The following CLASP2 variants were observed in gnomAD, a reference collection of about 807,000 sequenced individuals.
CLASP2 encodes the protein cytoplasmic linker associated protein 2, also known as CLIP-associating protein 2.
In CLASP2, 47 loss-of-function variants were observed where a neutral mutation model predicts 194.4. The ratio of observed to expected loss-of-function variants is 0.24; its 90% CI spans 0.19 to 0.31. The LOEUF (loss-of-function observed/expected upper bound fraction) is 0.31, where lower values mean the gene tolerates loss of function less well. Among genes scored for constraint, CLASP2 ranks in the 10% least tolerant of loss-of-function variants. The pLI is 1.00. For missense variants in CLASP2, 1,445 were observed against 1,823.6 expected, an observed-to-expected ratio of 0.79 and a Z score of 3.78; for synonymous variants, 619 against 633.5, an observed-to-expected ratio of 0.98 and a Z score of 0.34.
intron 29 of CLASP2, 130 bp from the exon 30 acceptor site, chr3:33,551,525 G>T: frequency 1.1e-6 from 1 of 903,786 alleles, no homozygotes; most frequent in Non-Finnish European, 1.6e-6. Flanking sequence ...TACTATGTTG[G>T]CAAGGTTGGT....
intron 28 of CLASP2, among the ~76,000 whole-genome samples, chr3:33,560,491 C>T (rs1423729114): frequency 6.6e-6 from 1 of 152,120 alleles, no homozygotes; most frequent in Non-Finnish European, 1.5e-5. Context: ...GATCTGCCTG[C>T]CTCAGCCTCC....
At chr3:33,652,433 C>A (rs2083375517) in intron 7 of CLASP2, among the ~76,000 whole-genome samples, 1 of 152,162 alleles carries the variant, frequency 6.6e-6, no homozygotes, top group Admixed American at 6.5e-5. Flanking sequence ...TCTACACTTC[C>A]CACACTGTGC....
intron 32 of CLASP2, 111 bp downstream of exon 32, chr3:33,543,322 G>C (rs2058669817): frequency 1.4e-6 from 1 of 698,766 alleles, no homozygotes; most frequent in African/African-American, 1.8e-5. Context: ...GCAGTGAGTT[G>C]AGATCACACC....
chr3:33,662,677 T>G (rs2085482628), intron 7 of CLASP2, among the ~76,000 whole-genome samples: 1 of 152,194 alleles, frequency 6.6e-6, no homozygotes, highest in Non-Finnish European at 1.5e-5. Context: ...AAATTTTTAC[T>G]CCAACATCAT....
intron 6 of CLASP2, among the ~76,000 whole-genome samples, chr3:33,678,082 T>C (rs944990176): frequency 1.1e-4 from 17 of 151,168 alleles, no homozygotes; most frequent in Non-Finnish European, 2.4e-4. Context: ...AAAAAAGAGA[T>C]TGGAAAACAA....
intron 32 of CLASP2, among the ~76,000 whole-genome samples, chr3:33,539,722 T>A (rs75203728): frequency 0.072 from 10,890 of 152,190 alleles, 485 homozygotes; most frequent in Admixed American, 0.1. Flanking sequence ...TGATGGCTGT[T>A]TTCATACAAT....
intron 14 of CLASP2, 118 bp downstream of exon 14, chr3:33,608,449 A>T: frequency 1.3e-6 from 1 of 782,072 alleles, no homozygotes; most frequent in East Asian, 2.7e-5. Flanking sequence ...TTAAAGGAAA[A>T]CCAGTACAAA....
At chr3:33,527,386 C>T (rs572315129) in intron 34 of CLASP2, among the ~76,000 whole-genome samples, 72 of 152,244 alleles carry the variant, frequency 4.7e-4, no homozygotes, top group Non-Finnish European at 9.4e-4. Context: ...AATTCCTGGA[C>T]ACATACACCC....
intron 7 of CLASP2, among the ~76,000 whole-genome samples, chr3:33,646,881 A>C (rs2082363577): frequency 6.6e-6 from 1 of 152,198 alleles, no homozygotes; most frequent in Non-Finnish European, 1.5e-5. Context: ...ACCAAAGCTA[A>C]CTAGTCTCGA....
chr3:33,527,173 T>C (rs1250265531), intron 34 of CLASP2, among the ~76,000 whole-genome samples: 3 of 152,114 alleles, frequency 2.0e-5, no homozygotes, highest in Non-Finnish European at 4.4e-5. Flanking sequence ...AAAAGATCAA[T>C]GGATTCAGGA....
intron 26 of CLASP2, among the ~76,000 whole-genome samples, chr3:33,570,412 A>T (rs1408143646): frequency 6.6e-6 from 1 of 152,190 alleles, no homozygotes; most frequent in Non-Finnish European, 1.5e-5. Context: ...AAACCTTTTC[A>T]ACTTACCCCA....
rs547646258 is a variant in CLASP2 at position 33,532,584 on chromosome 3, G to GA, written c.3787+2648_3787+2649insT. 2.8e-3 allele frequency among the ~76,000 whole-genome samples: 431 copies of GA among 152,254 alleles called. 1 individual carries two copies. The highest frequency in any genetic ancestry group is 9.9e-3 in the African/African-American group (411 of 41,546). On this transcript the variant is annotated intron_variant, in intron 34 of 38. Transcript: ENST00000682230. ...AAAAAAGATATTATTGGGACAGCTG[G>GA]CAAAATTCTAATGGGGTTTTAAGGA... is the stretch of plus-strand genomic sequence containing the variant.
At chr3:33,505,227 A>AAAAAAC (rs2047814076) in intron 37 of CLASP2, 1 of 117,366 alleles carries the variant, frequency 8.5e-6, no homozygotes. Context: ...CCAGAGATAA[A>AAAAAAC]AACAACAACA....
At chr3:33,521,906 G>A (rs2053214184) in intron 34 of CLASP2, among the ~76,000 whole-genome samples, 1 of 152,108 alleles carries the variant, frequency 6.6e-6, no homozygotes, top group Non-Finnish European at 1.5e-5. Context: ...CCAGCCCCTT[G>A]ACAGGCAGCT....
chr3:33,518,726 T>C lies in CLASP2; in HGVS notation c.3788-1552A>G, dbSNP rs139239948. Reference sequence around the variant, plus strand: ...AAATGCTTTTCACGGTAGTCAGTTATCTTTTCCATGAAAGTAAGCTTTGTA... The same window carrying C: ...AAATGCTTTTCACGGTAGTCAGTTACCTTTTCCATGAAAGTAAGCTTTGTA... On this transcript the variant is annotated intron_variant, in intron 34 of 38. Transcript: ENST00000682230. 4.1e-4 allele frequency among the ~76,000 whole-genome samples: 62 copies of C among 152,378 alleles called. No individual in the cohort carries two copies. In the East Asian group the frequency reaches 0.011, roughly 28 times the overall value.
chr3:33,566,103 T>C (rs1028563238), intron 27 of CLASP2, among the ~76,000 whole-genome samples: 3 of 152,174 alleles, frequency 2.0e-5, no homozygotes, highest in African/African-American at 4.8e-5. Context: ...TCTTACTTGA[T>C]TGCCCTAACA....
chr3:33,550,514 C>G (rs909829180), intron 30 of CLASP2, among the ~76,000 whole-genome samples: 2 of 150,194 alleles, frequency 1.3e-5, no homozygotes, highest in Admixed American at 1.3e-4. Context: ...AGAAACATGT[C>G]AAAACTGGAG....
intron 13 of CLASP2, 116 bp from the exon 14 acceptor site, chr3:33,608,742 ATC>A (rs2074440919): frequency 1.1e-4 from 33 of 299,964 alleles, no homozygotes; most frequent in South Asian, 3.4e-4. Flanking sequence ...GTTTTTAGAT[ATC>A]TTTTTTTTTT....
intron 12 of CLASP2, among the ~76,000 whole-genome samples, chr3:33,614,859 C>T (rs548912530): frequency 6.6e-6 from 1 of 152,148 alleles, no homozygotes; most frequent in South Asian, 2.1e-4. Context: ...GGCGTGGTGG[C>T]AGGTGCCTGA....
Sources: allele counts gnomAD v4.1 joint callset (sites outside exome capture counted in the v4.1 genomes callset), GRCh38; gene constraint gnomAD v4.1.1; transcripts MANE v1.5; gene names NCBI Gene and HGNC (gene_info 2026-07-23, HGNC 2026-07-21).